Variants in SLC12A5 observed in about 807,000 individuals in gnomAD.
SLC12A5 encodes the protein K-Cl cotransporter 2.
A neutral mutation model predicts 124.0 loss-of-function variants in SLC12A5; 18 were observed. The ratio of observed to expected loss-of-function variants is 0.15; its 90% CI spans 0.10 to 0.22. SLC12A5 has a LOEUF of 0.22. Among genes scored for constraint, SLC12A5 ranks in the 10% least tolerant of loss-of-function variants. The pLI is 1.00. For synonymous variants in SLC12A5, 589 were observed against 568.0 expected, an observed-to-expected ratio of 1.04 and a Z score of -0.53; for missense variants, 867 against 1,478.7, an observed-to-expected ratio of 0.59 and a Z score of 6.78.
In SLC12A5 at chr20:46,057,470, C is replaced by T. The variant is rs1391662043; in HGVS notation, c.3260-44C>T. 6.8e-6 allele frequency: 11 copies of T among 1,609,460 alleles called. No individual in the cohort carries two copies. The highest frequency in any genetic ancestry group is 9.4e-6 in the Non-Finnish European group (11 of 1,176,038). On this transcript the variant is annotated intron_variant, in intron 25 of 25. Coordinates refer to ENST00000243964, the MANE Select transcript of SLC12A5 (RefSeq NM_020708.5). This position sits in a 1 kb window ranked among gnomAD's most constrained non-coding sequence, Gnocchi z 7.1. Reference sequence around the variant, plus strand: ...CAGCCGAGCGCGACCCCAATTTCGTCGGGAGGGAAGGAGACCGGGTCTTTC... The same window carrying T: ...CAGCCGAGCGCGACCCCAATTTCGTTGGGAGGGAAGGAGACCGGGTCTTTC...
rs1858297616 is a variant in SLC12A5 at position 46,052,810 on chromosome 20, C to A, written c.2378-147C>A. The A allele has an allele frequency of 6.4e-6, 5 of 780,508 alleles. No homozygotes were observed. The African/African-American group carries it at 8.7e-5, about 14-fold the overall frequency. The allele number at this position is 780,508 out of a possible 1,614,324, so 48.3% of individuals were successfully genotyped here. A position where few individuals can be genotyped will look rare whatever the true frequency, so the allele number is the denominator to read the frequency against. Reference sequence around the variant, plus strand: ...ATATATGATGGGGCCCAAGTAGATGCTGGTTTTCTGACCACTCAGCCCATG... The same window carrying A: ...ATATATGATGGGGCCCAAGTAGATGATGGTTTTCTGACCACTCAGCCCATG... On this transcript the variant is annotated intron_variant, in intron 18 of 25. Coordinates refer to ENST00000243964, the MANE Select transcript of SLC12A5 (RefSeq NM_020708.5).
rs749845448 is a variant in SLC12A5 at position 46,057,346 on chromosome 20, C to T, written c.3259+43C>T. ...TTGGGGGAAAGAGGGAGGTGGACGT[C>T]AGGGAATCTGGGTCCTGTCCCTGGG... On this transcript the variant is annotated intron_variant, in intron 25 of 25. Transcript: ENST00000243964. The surrounding 1 kb of genome is among the most constrained non-coding windows in gnomAD (Gnocchi z 7.1). 2 of 1,612,878 alleles carry T rather than the reference C, an allele frequency of 1.2e-6. No individual in the cohort carries two copies. The highest frequency in any genetic ancestry group is 1.1e-5 in the South Asian group (1 of 91,070).
chr20:46,048,123 G>A (rs2084614090), intron 16 of SLC12A5, 38 bp downstream of exon 16: 2 of 1,543,788 alleles, frequency 1.3e-6, no homozygotes, highest in African/African-American at 1.4e-5. Flanking sequence ...AAGAGTGTGT[G>A]TGCATGAGTG....
chr20:46,029,431 C>T (rs2084425630), intron 1 of SLC12A5, 35 bp downstream of exon 1: 1 of 1,536,616 alleles, frequency 6.5e-7, no homozygotes, highest in East Asian at 2.5e-5. Flanking sequence ...GGGGAGGGGG[C>T]AGCGAGGAGA....
At chr20:46,047,342 C>A in intron 14 of SLC12A5, 112 bp from the exon 15 acceptor site, 2 of 1,436,906 alleles carry the variant, frequency 1.4e-6, no homozygotes, top group South Asian at 1.3e-5. Flanking sequence ...ACCGGGCTGT[C>A]ACCTCCCAGG....
chr20:46,040,300 T>A, intron 6 of SLC12A5, 73 bp from the exon 7 acceptor site: 1 of 1,581,096 alleles, frequency 6.3e-7, no homozygotes, highest in Non-Finnish European at 8.6e-7. Flanking sequence ...GAGCATCTTT[T>A]TTCCTAAAGC....
Position 46,055,008 on chromosome 20 carries a change from T to C in SLC12A5, c.2772T>C (p.Asn924=). Residue 924 remains asparagine (N), a synonymous_variant, in exon 21 of 26, where the codon AAT becomes AAC. Coordinates refer to ENST00000243964, the MANE Select transcript of SLC12A5 (RefSeq NM_020708.5). ...TCAAACAGATGCATTTAACCAAGAA[T>C]GAGCGGGAGCGGGAGGTGAGGTTGC... The part of the protein sequence containing the change: ...QILKQMHLTK[N]EREREIQSIT... 1 of 1,613,724 alleles carries C rather than the reference T, an allele frequency of 6.2e-7. No homozygotes were observed.
In SLC12A5 at chr20:46,045,851, GT is replaced by G; in HGVS notation, c.1570-26del. 1.3e-6 allele frequency: 2 copies of G among 1,596,576 alleles called. No homozygotes were observed. Among genetic ancestry groups the G allele is most frequent in the East Asian group, 4.5e-5 (2 of 44,774 alleles). On this transcript the variant is annotated intron_variant, in intron 12 of 25. Transcript: ENST00000243964. This position sits in a 1 kb window ranked among gnomAD's most constrained non-coding sequence, Gnocchi z 4.9. ...GGGCTGAGAAATCCTTGAGGTCTCA[GT>G]CCCATGATGATTGCTCTTTCCCCAG...
chr20:46,029,858 C>CTGTGTGTGTGTGTGTGTGTG (rs3080279), intron 1 of SLC12A5, among the ~76,000 whole-genome samples: 3 of 133,000 alleles, frequency 2.3e-5, no homozygotes, highest in Admixed American at 1.4e-4. Context: ...GAAGAGGTGG[C>CTGTGTGTGTGTGTGTGTGTG]TGTGTGTGTG....
chr20:46,041,764 G>A (rs922822413), intron 8 of SLC12A5, among the ~76,000 whole-genome samples: 3 of 152,204 alleles, frequency 2.0e-5, no homozygotes, highest in Admixed American at 2.0e-4. Flanking sequence ...GTAACAGGTG[G>A]TCACTGAGCA....
chr20:46,025,337 C>A (rs562488794), upstream of SLC12A5, among the ~76,000 whole-genome samples: 8 of 152,262 alleles, frequency 5.3e-5, no homozygotes, highest in African/African-American at 1.7e-4. Flanking sequence ...GTCATCTCAT[C>A]CCCAAGCCAG....
chr20:46,051,927 G>A (rs2084650556), intron 18 of SLC12A5, 57 bp downstream of exon 18: 4 of 1,355,138 alleles, frequency 3.0e-6, no homozygotes, highest in Non-Finnish European at 3.9e-6. Context: ...CTGTAGAGGG[G>A]TGGAACTGGA....
At chr20:46,051,530 GAGC>G in intron 17 of SLC12A5, 142 bp from the exon 18 acceptor site, 1 of 675,348 alleles carries the variant, frequency 1.5e-6, no homozygotes, top group Non-Finnish European at 2.4e-6. Context: ...TGCCATTCTG[GAGC>G]CAGAGACTGA....
At chr20:46,024,056 C>T (rs548285818), downstream of SLC12A5, among the ~76,000 whole-genome samples, 9 of 152,194 alleles carry the variant, frequency 5.9e-5, no homozygotes, top group Admixed American at 2.6e-4. Flanking sequence ...CACACTACTT[C>T]GCTGGGGTCG....
At position 46,057,449 on chromosome 20, in the gene SLC12A5, C is replaced by T. The variant is rs753088645; in HGVS notation, c.3260-65C>T. The T allele has an allele frequency of 3.1e-6, 5 of 1,604,140 alleles. No homozygotes were observed. Among genetic ancestry groups the T allele is most frequent in the Non-Finnish European group, 4.3e-6 (5 of 1,171,100 alleles). The stretch of plus-strand genomic sequence containing the variant: ...CGGGCGCGAGAGGTCCCCTGGCAGC[C>T]GAGCGCGACCCCAATTTCGTCGGGA... On this transcript the variant is annotated intron_variant, in intron 25 of 25. Transcript: ENST00000243964. The surrounding 1 kb of genome is among the most constrained non-coding windows in gnomAD (Gnocchi z 7.1).
intron 7 of SLC12A5, 47 bp downstream of exon 7, chr20:46,040,661 T>A (rs757093637): frequency 1.3e-6 from 2 of 1,599,606 alleles, no homozygotes; most frequent in African/African-American, 2.7e-5. Context: ...CCTACCTCCC[T>A]GGCCCTGTTT....
At chr20:46,022,066 C>G in intron 1 of SLC12A5, 1 of 583,000 alleles carries the variant, frequency 1.7e-6, no homozygotes, top group East Asian at 6.0e-5. Context: ...CCGCGGAACG[C>G]AAAGTGTGGA....
Position 46,035,496 on chromosome 20 carries a change from G to A in SLC12A5, c.240G>A (p.Glu80=). 2.5e-6 allele frequency: 4 copies of A among 1,613,876 alleles called. No homozygotes were observed. Among genetic ancestry groups the A allele is most frequent in the Non-Finnish European group, 3.4e-6 (4 of 1,179,958 alleles). Residue 80 remains glutamate, a synonymous_variant, in exon 3 of 26, where the codon GAG becomes GAA. Transcript: ENST00000243964. ...NLPQGSREHE[E]AENNEGGKKK... ...CCCAGGGAAGTAGGGAGCATGAAGA[G>A]GCAGAAAACAATGAGGGTGGAAAAA...
At position 46,051,686 on chromosome 20, in the gene SLC12A5, C is replaced by T; in HGVS notation, c.2193C>T (p.Arg731=). 5 of 1,608,556 alleles carry T rather than the reference C, an allele frequency of 3.1e-6. No homozygotes were observed. The highest frequency in any genetic ancestry group is 3.4e-6 in the Non-Finnish European group (4 of 1,177,728). ...QAQRAEESIR[R]LMEAEKVKGF... ...TCCCCCTCCCCTAGTCTATCAGGCG[C>T]CTGATGGAGGCAGAGAAGGTGAAGG... Residue 731 remains arginine (R), a synonymous_variant, in exon 18 of 26, where the codon CGC becomes CGT. Coordinates refer to ENST00000243964, the MANE Select transcript of SLC12A5 (RefSeq NM_020708.5).
Sources: gnomAD v4.1 joint callset for allele counts (sites outside exome capture counted in the v4.1 genomes callset) on GRCh38, gnomAD v4.1.1 for gene constraint, Gnocchi (gnomAD v3.1) non-coding constraint, MANE v1.5 for transcripts, NCBI Gene and HGNC (gene_info 2026-07-23, HGNC 2026-07-21) for gene names.